Variants in ANKS1B observed in about 807,000 individuals in gnomAD.
The protein encoded by ANKS1B is ankyrin repeat and sterile alpha motif domain-containing protein 1B.
ANKS1B carries 36 observed loss-of-function variants against 148.3 expected under a neutral mutation model. That is an observed-to-expected ratio of 0.24 (90% CI 0.19 to 0.32). ANKS1B has a LOEUF of 0.32. ANKS1B is among the 10% of genes least tolerant of loss of function. The pLI, the probability that ANKS1B is intolerant of heterozygous loss-of-function variation, is 1.00. For missense variants in ANKS1B, 1,157 were observed against 1,542.6 expected, an observed-to-expected ratio of 0.75 and a Z score of 4.19; for synonymous variants, 542 against 560.8, an observed-to-expected ratio of 0.97 and a Z score of 0.47.
chr12:99,021,712 A>T (rs1568403217), intron 17 of ANKS1B, among the ~76,000 whole-genome samples: 1 of 152,208 alleles, frequency 6.6e-6, no homozygotes, highest in Non-Finnish European at 1.5e-5. Flanking sequence ...TTCTTTAAAG[A>T]CACAAAATAG....
intron 12 of ANKS1B, among the ~76,000 whole-genome samples, chr12:99,307,906 G>C (rs891175841): frequency 6.6e-5 from 10 of 152,028 alleles, no homozygotes; most frequent in African/African-American, 2.4e-4. Context: ...GTTGAGACTA[G>C]AGAATCCATG....
At chr12:99,543,121 T>C (rs149583805) in intron 9 of ANKS1B, among the ~76,000 whole-genome samples, 7 of 152,140 alleles carry the variant, frequency 4.6e-5, no homozygotes, top group African/African-American at 1.7e-4. Flanking sequence ...GAAGAACTCA[T>C]AATTAACAAT....
At chr12:99,274,496 C>T (rs2153991832) in intron 12 of ANKS1B, among the ~76,000 whole-genome samples, 1 of 152,290 alleles carries the variant, frequency 6.6e-6, no homozygotes, top group East Asian at 1.9e-4. Flanking sequence ...ACAAAAGTCT[C>T]CTTTCCTCCA....
intron 12 of ANKS1B, among the ~76,000 whole-genome samples, chr12:99,377,362 A>G (rs1176950048): frequency 6.6e-6 from 1 of 152,156 alleles, no homozygotes. Context: ...CTTGAACAAA[A>G]TGCGGTTTCT....
At chr12:99,688,506 T>G (rs1251966164) in intron 8 of ANKS1B, among the ~76,000 whole-genome samples, 1 of 152,202 alleles carries the variant, frequency 6.6e-6, no homozygotes, top group East Asian at 1.9e-4. Context: ...AAATGCCTCT[T>G]GATGAGAGAC....
At chr12:99,228,182 T>C (rs966847300) in intron 14 of ANKS1B, among the ~76,000 whole-genome samples, 5 of 152,182 alleles carry the variant, frequency 3.3e-5, no homozygotes, top group Non-Finnish European at 5.9e-5. Context: ...GGGTTGTTTT[T>C]TTAAGTCATA....
intron 14 of ANKS1B, among the ~76,000 whole-genome samples, chr12:99,173,761 A>G (rs1187107327): frequency 1.3e-5 from 2 of 152,152 alleles, no homozygotes; most frequent in African/African-American, 4.8e-5. Flanking sequence ...TATATTCACC[A>G]CCAAGCATGT....
intron 17 of ANKS1B, among the ~76,000 whole-genome samples, chr12:99,041,739 G>A (rs2099959134): frequency 6.6e-6 from 1 of 152,100 alleles, no homozygotes; most frequent in Non-Finnish European, 1.5e-5. Flanking sequence ...ATTGACTCAT[G>A]CCTGTAATCC....
chr12:99,910,477 C>G (rs1363910697), intron 1 of ANKS1B, among the ~76,000 whole-genome samples: 12 of 151,644 alleles, frequency 7.9e-5, no homozygotes, highest in Non-Finnish European at 1.6e-4. Context: ...TATGATTCCA[C>G]TTATATGAAT....
At chr12:98,865,996 T>A (rs201386) in intron 17 of ANKS1B, among the ~76,000 whole-genome samples, 77,136 of 151,830 alleles carry the variant, frequency 0.51, 21,061 homozygotes, top group East Asian at 0.81. Flanking sequence ...CGTGCAAGTG[T>A]TAGAAAAGTT....
At chr12:99,210,769 G>T (rs1304549175) in intron 14 of ANKS1B, among the ~76,000 whole-genome samples, 2 of 152,128 alleles carry the variant, frequency 1.3e-5, no homozygotes, top group Non-Finnish European at 2.9e-5. Flanking sequence ...TAGTTGGTTT[G>T]GTTCATTAAG....
At chr12:99,412,327 G>A (rs2094737399) in intron 11 of ANKS1B, among the ~76,000 whole-genome samples, 1 of 152,032 alleles carries the variant, frequency 6.6e-6, no homozygotes, top group African/African-American at 2.4e-5. Context: ...AGCTTCAGGG[G>A]GTCCTTCACC....
intron 1 of ANKS1B, among the ~76,000 whole-genome samples, chr12:99,960,337 C>T (rs1484251857): frequency 6.6e-6 from 1 of 152,176 alleles, no homozygotes; most frequent in African/African-American, 2.4e-5. Flanking sequence ...AATCTGGCCT[C>T]ACAGGTATCT....
chr12:98,830,671 G>T (rs2099300177), intron 18 of ANKS1B, among the ~76,000 whole-genome samples: 1 of 152,150 alleles, frequency 6.6e-6, no homozygotes, highest in African/African-American at 2.4e-5. Context: ...CTTCAGAAAA[G>T]AAATCAGAAG....
intron 8 of ANKS1B, among the ~76,000 whole-genome samples, chr12:99,667,363 G>T: frequency 7.4e-6 from 1 of 135,328 alleles, no homozygotes; most frequent in Non-Finnish European, 1.8e-5. Flanking sequence ...AAAAAGAAAA[G>T]AAAAGAAAAG....
At chr12:99,038,796 G>C (rs921225223) in intron 17 of ANKS1B, among the ~76,000 whole-genome samples, 3 of 152,170 alleles carry the variant, frequency 2.0e-5, no homozygotes, top group Admixed American at 2.0e-4. Flanking sequence ...ATCTCTGCAT[G>C]GCTTCTTCCC....
At chr12:99,362,641 T>G (rs1029357403) in intron 12 of ANKS1B, among the ~76,000 whole-genome samples, 5 of 152,008 alleles carry the variant, frequency 3.3e-5, no homozygotes, top group Non-Finnish European at 7.4e-5. Flanking sequence ...TTAACACATT[T>G]TACTATATAT....
chr12:99,459,428 GAAAT>G (rs1486956759), intron 10 of ANKS1B, among the ~76,000 whole-genome samples: 1 of 151,908 alleles, frequency 6.6e-6, no homozygotes, highest in Non-Finnish European at 1.5e-5. Context: ...ATAAAAGAAA[GAAAT>G]AAAGGCCATC....
chr12:99,581,651 G>A (rs1467590125), intron 9 of ANKS1B, among the ~76,000 whole-genome samples: 1 of 152,088 alleles, frequency 6.6e-6, no homozygotes, highest in Non-Finnish European at 1.5e-5. Context: ...AGCACTTTGG[G>A]AGGCCGAGGC....
Sources: allele counts gnomAD v4.1 joint callset (sites outside exome capture counted in the v4.1 genomes callset), GRCh38; gene constraint gnomAD v4.1.1; transcripts MANE v1.5; gene names NCBI Gene and HGNC (gene_info 2026-07-23, HGNC 2026-07-21).